RUNDC3A: variants seen among roughly 807,000 people sequenced by gnomAD.
The protein encoded by RUNDC3A is RUN domain containing 3A, also known as RUN domain-containing protein 3A.
A neutral mutation model predicts 53.9 loss-of-function variants in RUNDC3A; 28 were observed. The ratio of observed to expected loss-of-function variants is 0.52; its 90% CI spans 0.38 to 0.71. RUNDC3A has a LOEUF of 0.71. Ranked by LOEUF, RUNDC3A falls within the 30% of genes least tolerant of loss-of-function variation. The pLI, the probability that RUNDC3A is intolerant of heterozygous loss-of-function variation, is 0.00. For synonymous variants in RUNDC3A, 232 were observed against 249.4 expected, an observed-to-expected ratio of 0.93 and a Z score of 0.66; for missense variants, 491 against 597.3, an observed-to-expected ratio of 0.82 and a Z score of 1.85.
Position 44,316,502 on chromosome 17 carries a change from C to T in RUNDC3A, c.1071C>T (p.Ser357=), listed in dbSNP as rs2047865678. Residue 357 remains serine (S), a synonymous_variant, in exon 9 of 11, where the codon AGC becomes AGT. Coordinates refer to ENST00000426726, the MANE Select transcript of RUNDC3A (RefSeq NM_001144825.2). ...LGTLNGAEGA[S]NSKLYRRHSF... Reference sequence around the variant, plus strand: ...CGCTTAATGGGGCCGAGGGCGCCAGCAACTCCAAGCTCTACCGGAGGTAAG... The same window carrying T: ...CGCTTAATGGGGCCGAGGGCGCCAGTAACTCCAAGCTCTACCGGAGGTAAG... The T allele has an allele frequency of 1.2e-6, 2 of 1,613,094 alleles. No homozygotes were observed. Among genetic ancestry groups the T allele is most frequent in the African/African-American group, 2.7e-5 (2 of 75,034 alleles).
intron 4 of RUNDC3A, 175 bp downstream of exon 4, chr17:44,313,678 C>CTTTTTTCTT: frequency 9.2e-7 from 1 of 1,082,548 alleles, no homozygotes; most frequent in Non-Finnish European, 1.1e-6. Flanking sequence ...AGGACGAACT[C>CTTTTTTCTT]TTTTTTTTTT....
Position 44,318,111 on chromosome 17 carries a change from CCT to C in RUNDC3A, c.1216_1217del (p.Ser406HisfsTer93). On this transcript the variant is annotated frameshift_variant, in exon 11 of 11. Transcript: ENST00000426726. LOFTEE classifies it high-confidence loss of function. The stretch of plus-strand genomic sequence containing the variant: ...CTCTCCCCAGGGAAGGACCCCACGC[CCT>C]CCATGCTGGGCCTCTGCGGCTCCCT... The C allele has an allele frequency of 1.7e-5, 27 of 1,551,446 alleles. No homozygotes were observed. Among genetic ancestry groups the C allele is most frequent in the Non-Finnish European group, 2.4e-5 (27 of 1,146,882 alleles).
At chr17:44,312,484 A>T in intron 1 of RUNDC3A, 96 bp from the exon 2 acceptor site, 1 of 693,004 alleles carries the variant, frequency 1.4e-6, no homozygotes, top group Admixed American at 2.4e-5. Flanking sequence ...GCCCTTCCTG[A>T]CCTTTCTTCT....
intron 1 of RUNDC3A, chr17:44,311,372 G>C: frequency 1.0e-6 from 1 of 982,468 alleles, no homozygotes; most frequent in Non-Finnish European, 1.2e-6. Context: ...TTCAGAATCA[G>C]AATCAGACAT....
At chr17:44,314,504 G>T in intron 4 of RUNDC3A, 1 of 1,416,744 alleles carries the variant, frequency 7.1e-7, no homozygotes, top group Non-Finnish European at 9.2e-7. Flanking sequence ...ATGAGGAAGG[G>T]GTAGCTCAGA....
chr17:44,314,674 T>TTG lies in RUNDC3A; in HGVS notation c.459-61_459-60insTG, dbSNP rs1491520025. On this transcript the variant is annotated intron_variant, in intron 4 of 10. Coordinates refer to ENST00000426726, the MANE Select transcript of RUNDC3A (RefSeq NM_001144825.2). ...GGCAGTAAGCCAACAATAGCAGCTCTGGGGGGGGGGGGGGCGCTCCAGGGG... is the reference window on the plus strand; with the variant it reads ...GGCAGTAAGCCAACAATAGCAGCTCTTGGGGGGGGGGGGGGGCGCTCCAGGGG... 79 of 840,486 alleles carry TTG rather than the reference T, an allele frequency of 9.4e-5. 2 individuals are homozygous for TTG. The African/African-American group carries it at 1.8e-3, about 19-fold the overall frequency. 52.1% of individuals were successfully genotyped at this position (840,486 alleles called of 1,614,324 possible). A position where few individuals can be genotyped will look rare whatever the true frequency, so the allele number is the denominator to read the frequency against.
rs2047782737 is a variant in RUNDC3A, at chr17:44,313,129, C to A, written c.249C>A (p.Ser83Arg). ...CCTGTGCCCCAGCAGGTCCAGTGAG[C>A]TGGTTCAGCTCAGACGGGCAGCGGG... is the stretch of plus-strand genomic sequence containing the variant. ...FKACAPAGPV[S>R]WFSSDGQRGF... Residue 83 changes from serine (S) to arginine (R), a missense_variant, in exon 3 of 11, where the codon AGC becomes AGA. Ser to Arg is a moderately radical substitution (Grantham distance 110). Transcript: ENST00000426726. 1 of 1,613,950 alleles carries A rather than the reference C, an allele frequency of 6.2e-7. No individual in the cohort carries two copies. The highest frequency in any genetic ancestry group is 1.1e-5 in the South Asian group (1 of 91,094).
chr17:44,310,664 C>G lies in RUNDC3A; in HGVS notation c.107+1725C>G, dbSNP rs115946290. 739 of 984,158 alleles carry G rather than the reference C, an allele frequency of 7.5e-4. 5 individuals carry two copies. In the African/African-American group the frequency reaches 0.012, roughly 16 times the overall value. 61.0% of individuals were successfully genotyped at this position (984,158 alleles called of 1,614,324 possible). A position where few individuals can be genotyped will look rare whatever the true frequency, so the allele number is the denominator to read the frequency against. On this transcript the variant is annotated intron_variant, in intron 1 of 10. Transcript: ENST00000426726. ...ATGGGCTCCCCTGGGCCCTGGCCTCCCTGTCTCCATGGTAACCTGCAGCAG... is the reference window on the plus strand; with the variant it reads ...ATGGGCTCCCCTGGGCCCTGGCCTCGCTGTCTCCATGGTAACCTGCAGCAG...
intron 1 of RUNDC3A, among the ~76,000 whole-genome samples, chr17:44,310,445 T>A (rs963035213): frequency 6.6e-6 from 1 of 152,206 alleles, no homozygotes; most frequent in Non-Finnish European, 1.5e-5. Flanking sequence ...ATGGGGGGAA[T>A]GAGGGAACTC....
intron 10 of RUNDC3A, chr17:44,317,573 A>C: frequency 1.3e-6 from 1 of 780,410 alleles, no homozygotes; most frequent in East Asian, 2.4e-5. Context: ...CCCTGGCTTC[A>C]CCTTGGTTTT....
At position 44,315,191 on chromosome 17, in the gene RUNDC3A, C is replaced by A; in HGVS notation, c.666C>A (p.Ser222Arg). ...TGACGGACGAGGAGGAGCGGCACAG[C>A]GCCGAGAGCAGCACGAGCGAGGACA... Reference protein sequence around the residue: ...DYLTDEEERHSAESSTSEDNS... With the variant: ...DYLTDEEERHRAESSTSEDNS... The change falls in exon 7 of 11, where the codon AGC (serine) becomes AGA (arginine). Residue 222 changes from serine to arginine, a missense_variant. Transcript: ENST00000426726. The surrounding 1 kb of genome is among the most constrained non-coding windows in gnomAD (Gnocchi z 6.1). 1 of 1,560,470 alleles carries A rather than the reference C, an allele frequency of 6.4e-7. No homozygotes were observed. The highest frequency in any genetic ancestry group is 8.7e-7 in the Non-Finnish European group (1 of 1,152,128).
At chr17:44,309,827 C>G (rs1207482708) in intron 1 of RUNDC3A, 1 of 152,652 alleles carries the variant, frequency 6.6e-6, no homozygotes, top group African/African-American at 2.4e-5. Flanking sequence ...CTCGCCAGCC[C>G]CACCTGCCTG....
rs1407128020 is a variant in RUNDC3A, at chr17:44,308,660, G to C, written c.-173G>C. The C allele has an allele frequency of 1.5e-5, 7 of 464,244 alleles. No individual in the cohort carries two copies. Among genetic ancestry groups the C allele is most frequent in the Non-Finnish European group, 2.6e-5 (7 of 264,324 alleles). 28.8% of individuals were successfully genotyped at this position (464,244 alleles called of 1,614,324 possible). On this transcript the variant is annotated 5_prime_UTR_variant, in exon 1 of 11. Transcript: ENST00000426726. ...GGCCTTGTTTTGCTCTGGCATCGCC[G>C]CCGGGGGAGGGAGCGAGGGGGCCGG...
At chr17:44,316,821 T>C (rs1035150324) in intron 10 of RUNDC3A, 96 bp downstream of exon 10, 8 of 25,126 alleles carry the variant, frequency 3.2e-4, no homozygotes, top group Non-Finnish European at 5.3e-4. Flanking sequence ...TCTCTTAGTC[T>C]TTTTTTTTTT....
chr17:44,317,669 C>CT, intron 10 of RUNDC3A: 6 of 663,554 alleles, frequency 9.0e-6, no homozygotes, highest in Non-Finnish European at 1.7e-5. Context: ...CCTAGATCTT[C>CT]TTTGAGACAA....
At position 44,312,613 on chromosome 17, in the gene RUNDC3A, AGC is replaced by A. The variant is rs777913270; in HGVS notation, c.143_144del (p.Ala48GlyfsTer5). The A allele has an allele frequency of 6.3e-7, 1 of 1,581,720 alleles. No individual in the cohort carries two copies. Among genetic ancestry groups the A allele is most frequent in the Non-Finnish European group, 8.6e-7 (1 of 1,164,140 alleles). ...SVKTLLEKYTAEPIDDSSEEF... is the reference protein window; with the variant it reads ...SVKTLLEKYTXEPIDDSSEEF... ...TGAAAACGCTGCTGGAGAAGTACAC[AGC>A]GGAGCCCATCGATGACTCATCGGAG... On this transcript the variant is annotated frameshift_variant, in exon 2 of 11. Coordinates refer to ENST00000426726, the MANE Select transcript of RUNDC3A (RefSeq NM_001144825.2). LOFTEE classifies it high-confidence loss of function.
At chr17:44,317,162 G>A (rs1375540749) in intron 10 of RUNDC3A, 3 of 485,562 alleles carry the variant, frequency 6.2e-6, no homozygotes, top group South Asian at 4.9e-5. Flanking sequence ...AGCCTTTCTT[G>A]AGGGTTTAGC....
chr17:44,312,331 C>A (rs1370159891), intron 1 of RUNDC3A, among the ~76,000 whole-genome samples: 2 of 152,116 alleles, frequency 1.3e-5, no homozygotes, highest in Non-Finnish European at 2.9e-5. Context: ...GTCACCTCTC[C>A]TGTCACCCAC....
chr17:44,313,678 C>CTTTTT (rs1173378367), intron 4 of RUNDC3A, 175 bp downstream of exon 4: 22 of 1,082,590 alleles, frequency 2.0e-5, no homozygotes, highest in Non-Finnish European at 2.3e-5. Context: ...AGGACGAACT[C>CTTTTT]TTTTTTTTTT....
Sources: gnomAD v4.1 joint callset for allele counts (sites outside exome capture counted in the v4.1 genomes callset) on GRCh38, gnomAD v4.1.1 for gene constraint, Gnocchi (gnomAD v3.1) non-coding constraint, MANE v1.5 for transcripts, NCBI Gene and HGNC (gene_info 2026-07-23, HGNC 2026-07-21) for gene names.